Variants in MAD1L1 observed in about 807,000 individuals in gnomAD.
MAD1L1 encodes the protein mitotic arrest deficient 1 like 1.
Under a neutral mutation model 96.9 loss-of-function variants are expected in MAD1L1, and 95 were observed. The ratio of observed to expected loss-of-function variants is 0.98; its 90% CI spans 0.83 to 1.16. MAD1L1 has a LOEUF of 1.16. Among genes scored for constraint, MAD1L1 ranks in the 50% most tolerant of loss-of-function variants. The pLI is 0.00. For synonymous variants in MAD1L1, 473 were observed against 396.6 expected, an observed-to-expected ratio of 1.19 and a Z score of -2.29; for missense variants, 1,007 against 954.4, an observed-to-expected ratio of 1.06 and a Z score of -0.73.
intron 18 of MAD1L1, among the ~76,000 whole-genome samples, chr7:1,842,628 C>A (rs894408733): frequency 6.6e-6 from 1 of 152,264 alleles, no homozygotes; most frequent in Non-Finnish European, 1.5e-5. Context: ...TCTTCAGGTC[C>A]CCGAGGGAGG....
In MAD1L1 at chr7:1,910,764, C is replaced by T. The variant is rs542275157; in HGVS notation, c.1808-12374G>A. On this transcript the variant is annotated intron_variant, in intron 17 of 18. Transcript: ENST00000265854. ...GCCTGTCCGGGGCAGGAACACGCAGCCTCGCTGCACCCATCCCAGCCGGGC... is the reference window on the plus strand; with the variant it reads ...GCCTGTCCGGGGCAGGAACACGCAGTCTCGCTGCACCCATCCCAGCCGGGC... Among the ~76,000 whole-genome samples the T allele has an allele frequency of 8.5e-5, 13 of 152,300 alleles. No homozygotes were observed. In the East Asian group the frequency reaches 2.5e-3, roughly 29 times the overall value.
At chr7:1,941,130 G>T (rs150642962) in intron 16 of MAD1L1, among the ~76,000 whole-genome samples, 3,006 of 152,010 alleles carry the variant, frequency 0.02, 74 homozygotes, top group Admixed American at 0.061. Flanking sequence ...CTACTTAGCA[G>T]ATAGGGGGAC....
intron 16 of MAD1L1, among the ~76,000 whole-genome samples, chr7:1,939,270 G>A (rs138356578): frequency 0.028 from 3,785 of 135,478 alleles, 66 homozygotes; most frequent in Non-Finnish European, 0.043. Flanking sequence ...AGAGGCGCGC[G>A]CACACATGGG....
chr7:1,885,594 C>T (rs1261828497), intron 18 of MAD1L1, among the ~76,000 whole-genome samples: 1 of 152,162 alleles, frequency 6.6e-6, no homozygotes, highest in African/African-American at 2.4e-5. Context: ...CTGAGTGGCC[C>T]TGCAGGGTAC....
chr7:2,115,958 G>A (rs1787666369), intron 11 of MAD1L1, among the ~76,000 whole-genome samples: 1 of 151,784 alleles, frequency 6.6e-6, no homozygotes, highest in African/African-American at 2.4e-5. Context: ...ACAGAATGCG[G>A]CTGCGCTGCC....
chr7:1,964,448 T>C (rs1156782068), intron 15 of MAD1L1, among the ~76,000 whole-genome samples: 1 of 152,046 alleles, frequency 6.6e-6, no homozygotes, highest in African/African-American at 2.4e-5. Context: ...ACCGAAGGGG[T>C]GCGCTTTCTT....
chr7:1,955,653 G>A (rs1562559632), intron 16 of MAD1L1, among the ~76,000 whole-genome samples: 2 of 152,136 alleles, frequency 1.3e-5, no homozygotes, highest in Non-Finnish European at 2.9e-5. Context: ...CACCCAGCAC[G>A]GTGACAACAA....
chr7:2,102,886 G>A (rs1300026904), intron 11 of MAD1L1, among the ~76,000 whole-genome samples: 6 of 152,194 alleles, frequency 3.9e-5, no homozygotes, highest in Non-Finnish European at 5.9e-5. Flanking sequence ...ACAATGCCCA[G>A]AGATGGCGTC....
chr7:2,092,511 C>T (rs777886676), intron 11 of MAD1L1, among the ~76,000 whole-genome samples: 1 of 152,062 alleles, frequency 6.6e-6, no homozygotes, highest in South Asian at 2.1e-4. Context: ...CCCTCACACA[C>T]CTGCCCTCTG....
intron 12 of MAD1L1, among the ~76,000 whole-genome samples, chr7:2,027,710 G>C (rs1783048263): frequency 1.3e-5 from 2 of 152,194 alleles, no homozygotes; most frequent in Admixed American, 1.3e-4. Flanking sequence ...ATGAGGAATA[G>C]GGAGAACTTT....
intron 14 of MAD1L1, 122 bp downstream of exon 14, chr7:2,001,943 G>C (rs952072296): frequency 1.1e-5 from 11 of 1,013,290 alleles, no homozygotes; most frequent in Middle Eastern, 4.1e-4. Context: ...CGCAGCTTCC[G>C]ACGACAGAAG....
chr7:1,932,091 C>G (rs1356684959), intron 17 of MAD1L1, among the ~76,000 whole-genome samples: 1 of 152,258 alleles, frequency 6.6e-6, no homozygotes, highest in Non-Finnish European at 1.5e-5. Context: ...ACCCAACGCA[C>G]CAGGTTCTGT....
At chr7:1,987,550 G>C (rs1450420744) in intron 14 of MAD1L1, among the ~76,000 whole-genome samples, 1 of 152,092 alleles carries the variant, frequency 6.6e-6, no homozygotes, top group Non-Finnish European at 1.5e-5. Context: ...CAGTATTTAA[G>C]GGAAGGAAAG....
intron 10 of MAD1L1, among the ~76,000 whole-genome samples, chr7:2,162,520 C>T (rs556306211): frequency 6.6e-6 from 1 of 151,846 alleles, no homozygotes; most frequent in Non-Finnish European, 1.5e-5. Context: ...GCTGACCTTC[C>T]CTCCACTATT....
intron 18 of MAD1L1, among the ~76,000 whole-genome samples, chr7:1,896,342 G>A (rs1330447131): frequency 6.6e-6 from 1 of 152,234 alleles, no homozygotes; most frequent in Non-Finnish European, 1.5e-5. Context: ...GGCCGGGGGA[G>A]CTGAGATGCT....
chr7:1,981,653 G>A (rs1780913077), intron 14 of MAD1L1, among the ~76,000 whole-genome samples: 1 of 152,192 alleles, frequency 6.6e-6, no homozygotes, highest in African/African-American at 2.4e-5. Context: ...AGGGAGGGAA[G>A]GACAGGTGCC....
chr7:2,031,953 T>C (rs912833470), intron 12 of MAD1L1, among the ~76,000 whole-genome samples: 2 of 152,246 alleles, frequency 1.3e-5, no homozygotes, highest in Non-Finnish European at 2.9e-5. Flanking sequence ...CCAGCGTTCC[T>C]ATCAGCAAAA....
chr7:2,020,734 G>C (rs1400802591), intron 12 of MAD1L1, among the ~76,000 whole-genome samples: 1 of 151,660 alleles, frequency 6.6e-6, no homozygotes, highest in Non-Finnish European at 1.5e-5. Flanking sequence ...CTTCATCTGA[G>C]ACGACAGCGG....
intron 11 of MAD1L1, among the ~76,000 whole-genome samples, chr7:2,117,852 A>C (rs1787789062): frequency 6.6e-6 from 1 of 152,190 alleles, no homozygotes; most frequent in Admixed American, 6.5e-5. Context: ...GCACCCAACC[A>C]TGAAGTGTGT....
Sources: allele counts gnomAD v4.1 joint callset (sites outside exome capture counted in the v4.1 genomes callset), GRCh38; gene constraint gnomAD v4.1.1; transcripts MANE v1.5; gene names NCBI Gene and HGNC (gene_info 2026-07-23, HGNC 2026-07-21).